AGT: variants seen among roughly 807,000 people sequenced by gnomAD.
AGT encodes alpha-1 antiproteinase, antitrypsin.
Under a neutral mutation model 28.1 loss-of-function variants are expected in AGT, and 26 were observed. The ratio of observed to expected loss-of-function variants is 0.92; its 90% CI spans 0.68 to 1.28. AGT has a LOEUF of 1.28. Among genes scored for constraint, AGT ranks in the 50% most tolerant of loss-of-function variants. The pLI, the probability that AGT is intolerant of heterozygous loss-of-function variation, is 0.00. For missense variants in AGT, 596 were observed against 592.3 expected (o/e 1.01, Z -0.06); for synonymous variants, 259 against 259.6 (o/e 1.00, Z 0.02).
upstream of AGT, among the ~76,000 whole-genome samples, chr1:230,715,696 G>C (rs1045036905): frequency 6.6e-6 from 1 of 152,198 alleles, no homozygotes; most frequent in Non-Finnish European, 1.5e-5. Context: ...TGGACACAAG[G>C]GGGAGGTAAG....
At chr1:230,716,914 A>T (rs1413462603), upstream of AGT, among the ~76,000 whole-genome samples, 1 of 151,818 alleles carries the variant, frequency 6.6e-6, no homozygotes, top group Middle Eastern at 3.2e-3. Context: ...TATGTAGGGA[A>T]AAAAAAGAGA....
At chr1:230,717,719 C>T (rs966254066), upstream of AGT, among the ~76,000 whole-genome samples, 20 of 152,206 alleles carry the variant, frequency 1.3e-4, no homozygotes, top group African/African-American at 4.8e-4. Flanking sequence ...CCTTGCATGA[C>T]AAGGACACTT....
intron 2 of AGT, among the ~76,000 whole-genome samples, chr1:230,708,344 GGACCCTCCTTCTCAGT>G (rs1414015619): frequency 6.6e-6 from 1 of 152,136 alleles, no homozygotes; most frequent in Non-Finnish European, 1.5e-5. Flanking sequence ...GCCTTCTGCA[GGACCCTCCTTCTCAGT>G]GAGCGCTCCT....
At chr1:230,723,131 G>A (rs529397329) in intron 1 of AGT, among the ~76,000 whole-genome samples, 2 of 152,216 alleles carry the variant, frequency 1.3e-5, no homozygotes, top group African/African-American at 4.8e-5. Flanking sequence ...GGCTTTATAA[G>A]TGCTTGACAG....
chr1:230,719,438 C>A (rs1299303003), upstream of AGT, among the ~76,000 whole-genome samples: 2 of 45,380 alleles, frequency 4.4e-5, no homozygotes, highest in South Asian at 8.8e-4. Context: ...GACGGAGTCT[C>A]GCTCTGTCGC....
chr1:230,710,870 CA>C lies in AGT; in HGVS notation c.-30-18del, dbSNP rs767030352. 3 of 1,609,078 alleles carry C rather than the reference CA, an allele frequency of 1.9e-6. No homozygotes were observed. The East Asian group carries it at 6.7e-5, about 36-fold the overall frequency. ...CCGCATACCCTGAAATATCATTTTGCAAAGGGTGAAAGGTGGTTATTAACTG... is the reference window on the plus strand; with the variant it reads ...CCGCATACCCTGAAATATCATTTTGCAAGGGTGAAAGGTGGTTATTAACTG... On this transcript the variant is annotated intron_variant, in intron 1 of 4. Transcript: ENST00000366667.
intron 1 of AGT, among the ~76,000 whole-genome samples, chr1:230,734,160 A>G (rs1380176505): frequency 6.6e-6 from 1 of 152,216 alleles, no homozygotes; most frequent in Non-Finnish European, 1.5e-5. Flanking sequence ...CAACAGATAA[A>G]TAGAAAGACA....
At chr1:230,722,834 G>A (rs1240517085) in intron 1 of AGT, among the ~76,000 whole-genome samples, 1 of 152,176 alleles carries the variant, frequency 6.6e-6, no homozygotes, top group African/African-American at 2.4e-5. Context: ...ATGAGACTTT[G>A]GACTTGGACT....
intron 1 of AGT, among the ~76,000 whole-genome samples, chr1:230,735,346 G>A (rs538645909): frequency 9.9e-5 from 15 of 152,208 alleles, no homozygotes; most frequent in South Asian, 4.1e-4. Flanking sequence ...CCAAAGTGTC[G>A]TTAGTTACCT....
At chr1:230,717,672 C>A (rs1027316763), upstream of AGT, among the ~76,000 whole-genome samples, 22 of 152,182 alleles carry the variant, frequency 1.4e-4, no homozygotes, top group Admixed American at 1.2e-3. Flanking sequence ...GCCTACTGTC[C>A]TGCATCCCAT....
chr1:230,710,700 A>G lies in AGT; in HGVS notation c.124T>C (p.Cys42Arg), dbSNP rs61731497. Residue 42 changes from cysteine to arginine, a missense_variant, in exon 2 of 5, where the codon TGT (cysteine) becomes CGT (arginine). Transcript: ENST00000366667. ...FHLVIHNEST[C>R]EQLAKANAGK... is the part of the protein sequence containing the mutation. ...GCATTGGCCTTTGCCAGCTGCTCAC[A>G]GGTACTCTCATTGTGGATGACGAGG... is the stretch of plus-strand genomic sequence containing the variant. The G allele has an allele frequency of 1.7e-3, 2,702 of 1,614,166 alleles. 3 individuals carry two copies. Among genetic ancestry groups the G allele is most frequent in the Non-Finnish European group, 2.0e-3 (2,419 of 1,180,006 alleles).
At position 230,704,240 on chromosome 1, in the gene AGT, C is replaced by A; in HGVS notation, c.1195G>T (p.Glu399Ter). 1 of 1,614,216 alleles carries A rather than the reference C, an allele frequency of 6.2e-7. No homozygotes were observed. The highest frequency in any genetic ancestry group is 1.3e-5 in the African/African-American group (1 of 75,052). Residue 399 changes from glutamate (E) to a stop codon, truncating the protein, a stop_gained, in exon 4 of 5, where the codon GAG (glutamate) becomes TAG (stop). Transcript: ENST00000366667. LOFTEE classifies it low-confidence loss of function (END_TRUNC). ...QAELPAILHT[E>*]LNLQKLSNDR... ...TTGCTCAATTTTTGCAGGTTCAGCT[C>A]GGTGTGCAGAATGGCGGGCAGCTCA...
intron 1 of AGT, among the ~76,000 whole-genome samples, chr1:230,744,074 G>A (rs1468459254): frequency 5.9e-5 from 9 of 152,194 alleles, no homozygotes; most frequent in South Asian, 2.1e-4. Context: ...CTAGGCTAGC[G>A]ACAAGCTGGC....
intron 2 of AGT, among the ~76,000 whole-genome samples, chr1:230,709,080 G>A (rs1459464041): frequency 2.6e-5 from 4 of 152,164 alleles, no homozygotes; most frequent in Non-Finnish European, 5.9e-5. Context: ...TCTGTCCTCT[G>A]AGAGCCCCGA....
intron 1 of AGT, among the ~76,000 whole-genome samples, chr1:230,739,927 C>T (rs1049169013): frequency 1.3e-5 from 2 of 152,212 alleles, no homozygotes; most frequent in African/African-American, 4.8e-5. Flanking sequence ...GTCTATAGAT[C>T]GAAAGCAAGT....
chr1:230,710,320 C>T lies in AGT; in HGVS notation c.504G>A (p.Ala168=), dbSNP rs61757174. 1.0e-4 allele frequency: 162 copies of T among 1,614,038 alleles called. No individual in the cohort carries two copies. In the African/African-American group the frequency reaches 1.7e-3, roughly 17 times the overall value. The change falls in exon 2 of 5, where the codon GCG becomes GCA. Residue 168 remains alanine (A), a synonymous_variant. Coordinates refer to ENST00000366667, the MANE Select transcript of AGT (RefSeq NM_001384479.1). ...KDKNCTSRLD[A]HKVLSALQAV... is the part of the protein sequence containing the mutation. ...CCTGCAGGGCAGACAGGACCTTGTGCGCATCCAGCCGGGAGGTGCAGTTCT... is the reference window on the plus strand; with the variant it reads ...CCTGCAGGGCAGACAGGACCTTGTGTGCATCCAGCCGGGAGGTGCAGTTCT...
In AGT at chr1:230,710,494, G is replaced by A; in HGVS notation, c.330C>T (p.Gly110=). 1 of 1,614,234 alleles carries A rather than the reference G, an allele frequency of 6.2e-7. No individual in the cohort carries two copies. Among genetic ancestry groups the A allele is most frequent in the Non-Finnish European group, 8.5e-7 (1 of 1,180,046 alleles). Residue 110 remains glycine (G), a synonymous_variant, in exon 2 of 5, where the codon GGC becomes GGT. Transcript: ENST00000366667. The part of the protein sequence containing the change: ...LANFLGFRIY[G]MHSELWGVVH... ...CCACGCCCCATAGCTCACTGTGCAT[G>A]CCATATATACGGAAGCCCAAGAAGT... is the stretch of plus-strand genomic sequence containing the variant.
At chr1:230,707,612 A>C (rs867234828) in intron 2 of AGT, among the ~76,000 whole-genome samples, 3 of 152,134 alleles carry the variant, frequency 2.0e-5, no homozygotes, top group African/African-American at 7.2e-5. Context: ...GTGAGCGGGA[A>C]ACTGCAGGGT....
At chr1:230,708,056 G>A (rs1166305912) in intron 2 of AGT, among the ~76,000 whole-genome samples, 1 of 152,188 alleles carries the variant, frequency 6.6e-6, no homozygotes, top group Non-Finnish European at 1.5e-5. Context: ...GAGGTCCCGA[G>A]ACAGCCCCCG....
Sources: allele counts gnomAD v4.1 joint callset (sites outside exome capture counted in the v4.1 genomes callset), GRCh38; gene constraint gnomAD v4.1.1; transcripts MANE v1.5; gene names NCBI Gene and HGNC (gene_info 2026-07-23, HGNC 2026-07-21).